IFI44L: variants seen among roughly 807,000 people sequenced by gnomAD.
The protein encoded by IFI44L is interferon-induced protein 44-like.
IFI44L carries 40 observed loss-of-function variants against 39.3 expected under a neutral mutation model. The ratio of observed to expected loss-of-function variants is 1.02; its 90% CI spans 0.79 to 1.33. The LOEUF is 1.33. IFI44L is among the 40% of genes most tolerant of loss of function. The probability of loss-of-function intolerance (pLI) is 0.00; values close to 1 mark genes in which losing one functional copy is unlikely to be tolerated. For missense variants in IFI44L, 623 were observed against 549.0 expected (o/e 1.13, Z -1.35); for synonymous variants, 198 against 182.3 (o/e 1.09, Z -0.69).
At chr1:78,628,446 T>C (rs2100484014) in intron 2 of IFI44L, 53 bp downstream of exon 2, 3 of 1,025,890 alleles carry the variant, frequency 2.9e-6, no homozygotes, top group Middle Eastern at 3.2e-4. Flanking sequence ...AATCCTTGTG[T>C]TCGGTAGGTA....
At chr1:78,638,621 A>G (rs1385895811) in intron 6 of IFI44L, among the ~76,000 whole-genome samples, 3 of 151,720 alleles carry the variant, frequency 2.0e-5, no homozygotes, top group African/African-American at 7.3e-5. Flanking sequence ...TGTTTTTCCT[A>G]TCTTGGGTAT....
chr1:78,632,143 ACAT>A (rs1445288252), intron 4 of IFI44L, among the ~76,000 whole-genome samples: 2 of 152,142 alleles, frequency 1.3e-5, no homozygotes, highest in Admixed American at 1.3e-4. Context: ...TTTAAATGTG[ACAT>A]CATTTTTACT....
Position 78,629,818 on chromosome 1 carries a change from G to A in IFI44L, c.626G>A (p.Gly209Glu), listed in dbSNP as rs775123059. 3 of 1,613,692 alleles carry A rather than the reference G, an allele frequency of 1.9e-6. No homozygotes were observed. The South Asian group carries it at 3.3e-5, about 18-fold the overall frequency. The change falls in exon 4 of 9, where the codon GGA (glycine) becomes GAA (glutamate). Residue 209 changes from glycine to glutamate, a missense_variant. Transcript: ENST00000370751. ...CTTTTGGTGGGTCCAGTTGGGTCTG[G>A]AAAGTCCAGTTTTTTCAATTCAGTC... ...RILLVGPVGS[G>E]KSSFFNSVKS...
In IFI44L at chr1:78,635,384, A is replaced by G. The variant is rs751634425; in HGVS notation, c.771A>G (p.Pro257=). ...VKDGKNGKSL[P]FMLCDTMGLD... is the part of the protein sequence containing the mutation. ...ATGGAAAAAATGGAAAATCTCTGCC[A>G]TTTATGTTGTGTGACACTATGGGGC... Residue 257 remains proline, a synonymous_variant, in exon 5 of 9, where the codon CCA becomes CCG. Transcript: ENST00000370751. 6.2e-7 allele frequency: 1 copy of G among 1,612,632 alleles called. No individual in the cohort carries two copies. The highest frequency in any genetic ancestry group is 8.5e-7 in the Non-Finnish European group (1 of 1,178,704).
rs1553172546 is a variant in IFI44L at position 78,635,000 on chromosome 1, A to ATATATG, written c.724-336_724-335insATATGT. The stretch of plus-strand genomic sequence containing the variant: ...AAAACATACCATTATATATATATAT[A>ATATATG]TGTGTGTGTGTGTGTGTGTGTATGT... On this transcript the variant is annotated intron_variant, in intron 4 of 8. Transcript: ENST00000370751. Among the ~76,000 whole-genome samples the ATATATG allele has an allele frequency of 1.4e-3, 166 of 117,916 alleles. 1 individual carries two copies. The highest frequency in any genetic ancestry group is 5.4e-3 in the African/African-American group (161 of 29,564). 77.4% of individuals were successfully genotyped at this position (117,916 alleles called of 152,430 possible).
At chr1:78,632,490 T>C (rs1652785044) in intron 4 of IFI44L, among the ~76,000 whole-genome samples, 1 of 152,154 alleles carries the variant, frequency 6.6e-6, no homozygotes, top group Non-Finnish European at 1.5e-5. Flanking sequence ...ATAAATTAGG[T>C]TAAAAAATCA....
rs1044452061 is a variant in IFI44L, at chr1:78,641,970, G to A, written c.*161G>A. ...AAGTTCAAAGGCCAAAACCTGAGAA[G>A]CGGTGGGCTAAGATAGGTCCTACTG... On this transcript the variant is annotated 3_prime_UTR_variant, in exon 9 of 9. Transcript: ENST00000370751. 3.9e-6 allele frequency: 3 copies of A among 778,032 alleles called. No homozygotes were observed. Among genetic ancestry groups the A allele is most frequent in the African/African-American group, 3.4e-5 (2 of 58,544 alleles). 48.2% of individuals were successfully genotyped at this position (778,032 alleles called of 1,614,324 possible).
intron 4 of IFI44L, among the ~76,000 whole-genome samples, chr1:78,634,369 C>T (rs912164179): frequency 2.0e-5 from 3 of 152,042 alleles, no homozygotes; most frequent in Non-Finnish European, 4.4e-5. Context: ...ATATGACTAG[C>T]AGCAGACTTA....
chr1:78,628,930 T>C, intron 2 of IFI44L, 21 bp from the exon 3 acceptor site: 2 of 1,445,162 alleles, frequency 1.4e-6, no homozygotes, highest in Non-Finnish European at 1.9e-6. Context: ...AAATGTATTA[T>C]GCTATGTTTA....
intron 6 of IFI44L, among the ~76,000 whole-genome samples, chr1:78,637,562 A>G (rs141754907): frequency 6.6e-6 from 1 of 152,198 alleles, no homozygotes; most frequent in Non-Finnish European, 1.5e-5. Context: ...AAGTTTATGT[A>G]CCCATCACTG....
At chr1:78,632,217 T>C (rs1207116807) in intron 4 of IFI44L, among the ~76,000 whole-genome samples, 1 of 152,136 alleles carries the variant, frequency 6.6e-6, no homozygotes, top group East Asian at 1.9e-4. Flanking sequence ...ATGCAAATGC[T>C]CAAGTGACCC....
chr1:78,623,841 T>C (rs775511446), intron 1 of IFI44L, among the ~76,000 whole-genome samples: 18 of 152,136 alleles, frequency 1.2e-4, no homozygotes, highest in Non-Finnish European at 2.2e-4. Flanking sequence ...AGCTCAAGAA[T>C]AGAGAATTTG....
chr1:78,630,552 G>A (rs1652712715), intron 4 of IFI44L, among the ~76,000 whole-genome samples: 1 of 152,036 alleles, frequency 6.6e-6, no homozygotes, highest in African/African-American at 2.4e-5. Context: ...TCATGCACAT[G>A]CAATCAAACA....
chr1:78,625,895 T>G (rs1652466545), intron 1 of IFI44L: 2 of 151,982 alleles, frequency 1.3e-5, no homozygotes, highest in Admixed American at 6.6e-5. Flanking sequence ...TATTTCAAAT[T>G]ATATTTTTTA....
chr1:78,628,179 A>C lies in IFI44L; in HGVS notation c.264A>C (p.Gln88His). ...ATGATTCCCTATGGTTTTCACTTCAAAAGAAAAATGACACCACTGAAATAG... is the reference window on the plus strand; with the variant it reads ...ATGATTCCCTATGGTTTTCACTTCACAAGAAAAATGACACCACTGAAATAG... Reference protein sequence around the residue: ...EPNDSLWFSLQKKNDTTEIET... With the variant: ...EPNDSLWFSLHKKNDTTEIET... Residue 88 changes from glutamine to histidine, a missense_variant, in exon 2 of 9, where the codon CAA becomes CAC. Coordinates refer to ENST00000370751, the MANE Select transcript of IFI44L (RefSeq NM_006820.4). 1 of 1,612,880 alleles carries C rather than the reference A, an allele frequency of 6.2e-7. No individual in the cohort carries two copies. The highest frequency in any genetic ancestry group is 8.5e-7 in the Non-Finnish European group (1 of 1,179,438).
rs893399084 is a variant in IFI44L at position 78,635,413 on chromosome 1, A to G, written c.800A>G (p.Asp267Gly). 9.3e-6 allele frequency: 15 copies of G among 1,613,532 alleles called. No homozygotes were observed. Among genetic ancestry groups the G allele is most frequent in the Non-Finnish European group, 1.3e-5 (15 of 1,179,642 alleles). Residue 267 changes from aspartate (D) to glycine (G), a missense_variant, in exon 5 of 9, where the codon GAT becomes GGT. Asp to Gly is a moderately conservative substitution (Grantham distance 94). Coordinates refer to ENST00000370751, the MANE Select transcript of IFI44L (RefSeq NM_006820.4). ...PFMLCDTMGL[D>G]GAEGAGLCMD... is the part of the protein sequence containing the mutation. ...ATGTTGTGTGACACTATGGGGCTAG[A>G]TGGGGCAGAAGGAGCAGGACTGTGC... is the stretch of plus-strand genomic sequence containing the variant.
intron 6 of IFI44L, among the ~76,000 whole-genome samples, chr1:78,640,504 A>C (rs959136928): frequency 6.6e-6 from 1 of 152,152 alleles, no homozygotes; most frequent in Admixed American, 6.6e-5. Context: ...ATTTGAAATT[A>C]ATCTTATATT....
chr1:78,627,755 T>TCTATATTTTTG, intron 1 of IFI44L, 151 bp from the exon 2 acceptor site: 1 of 395,982 alleles, frequency 2.5e-6, no homozygotes, highest in Non-Finnish European at 4.4e-6. Context: ...TTGTGCCATT[T>TCTATATTTTTG]CTATATTTTT....
rs1257084059 is a variant in IFI44L, at chr1:78,628,240, G to A, written c.325G>A (p.Asp109Asn). The A allele has an allele frequency of 6.2e-7, 1 of 1,612,120 alleles. No individual in the cohort carries two copies. Among genetic ancestry groups the A allele is most frequent in the Non-Finnish European group, 8.5e-7 (1 of 1,179,064 alleles). ...LLLNTAPKIIDEQLVCRLSKT... is the reference protein window; with the variant it reads ...LLLNTAPKIINEQLVCRLSKT... ...CTTAAATACAGCACCAAAAATTATT[G>A]ATGAGCAACTGGTGTGTCGTTTATC... The change falls in exon 2 of 9, where the codon GAT (aspartate) becomes AAT (asparagine). Residue 109 changes from aspartate (D) to asparagine (N), a missense_variant. Transcript: ENST00000370751.
Sources: allele counts gnomAD v4.1 joint callset (sites outside exome capture counted in the v4.1 genomes callset), GRCh38; gene constraint gnomAD v4.1.1; transcripts MANE v1.5; gene names NCBI Gene and HGNC (gene_info 2026-07-23, HGNC 2026-07-21).